Variants in TRHDE observed in about 807,000 individuals in gnomAD.
TRHDE encodes thyrotropin-releasing hormone-degrading ectoenzyme.
TRHDE carries 72 observed loss-of-function variants against 125.7 expected under a neutral mutation model. The observed-to-expected ratio is 0.57, with a 90% CI of 0.47 to 0.70. The LOEUF is 0.70. Among genes scored for constraint, TRHDE ranks in the 30% least tolerant of loss-of-function variants. TRHDE has a pLI of 0.00. For synonymous variants in TRHDE, 509 were observed against 509.1 expected, an observed-to-expected ratio of 1.00 and a Z score of 0.00; for missense variants, 1,110 against 1,327.1, an observed-to-expected ratio of 0.84 and a Z score of 2.54.
At chr12:72,237,671 C>G (rs978511998) in intron 2 of TRHDE, among the ~76,000 whole-genome samples, 1 of 152,148 alleles carries the variant, frequency 6.6e-6, no homozygotes, top group South Asian at 2.1e-4. Context: ...AAAGAAGGTG[C>G]CTGCTTCCTC....
At chr12:72,110,495 G>A (rs938794098) in intron 2 of TRHDE, among the ~76,000 whole-genome samples, 3 of 151,882 alleles carry the variant, frequency 2.0e-5, no homozygotes, top group African/African-American at 7.3e-5. Flanking sequence ...CTGAGGATAT[G>A]GTTTATTAGA....
intron 15 of TRHDE, among the ~76,000 whole-genome samples, chr12:72,642,732 C>G (rs1874116333): frequency 6.6e-6 from 1 of 152,108 alleles, no homozygotes. Context: ...TATTCACATT[C>G]TTATAAACAA....
chr12:72,537,728 G>T (rs948872900), intron 6 of TRHDE, among the ~76,000 whole-genome samples: 1 of 151,898 alleles, frequency 6.6e-6, no homozygotes, highest in Admixed American at 6.6e-5. Flanking sequence ...GTTATCTTCA[G>T]ACCACATCTC....
At chr12:72,606,245 A>G (rs1872439002) in intron 12 of TRHDE, among the ~76,000 whole-genome samples, 1 of 152,186 alleles carries the variant, frequency 6.6e-6, no homozygotes. Flanking sequence ...TTTCGGATTT[A>G]TGATGGAAAT....
chr12:72,642,904 A>G (rs1447173951), intron 15 of TRHDE, among the ~76,000 whole-genome samples: 1 of 152,164 alleles, frequency 6.6e-6, no homozygotes, highest in East Asian at 1.9e-4. Context: ...ACTTTGGTTT[A>G]TACAAAGAGA....
chr12:72,331,763 T>A (rs1869609585), intron 2 of TRHDE, among the ~76,000 whole-genome samples: 1 of 152,008 alleles, frequency 6.6e-6, no homozygotes, highest in East Asian at 1.9e-4. Context: ...TGGCAAGAGG[T>A]GGGAAGATAG....
intron 2 of TRHDE, among the ~76,000 whole-genome samples, chr12:72,372,914 C>T (rs1370745176): frequency 6.6e-6 from 1 of 152,110 alleles, no homozygotes; most frequent in East Asian, 1.9e-4. Context: ...TAGGTTTTTC[C>T]AATTCTGTGA....
intron 2 of TRHDE, among the ~76,000 whole-genome samples, chr12:72,297,103 A>G (rs1463108503): frequency 6.6e-6 from 1 of 152,154 alleles, no homozygotes; most frequent in East Asian, 1.9e-4. Flanking sequence ...AGAGAAAGCA[A>G]ATGTAGGGAG....
chr12:72,366,830 GATA>G (rs1871358623), intron 2 of TRHDE, among the ~76,000 whole-genome samples: 1 of 151,910 alleles, frequency 6.6e-6, no homozygotes, highest in South Asian at 2.1e-4. Flanking sequence ...CTTTATCAAT[GATA>G]ATACTTGGAT....
chr12:72,317,718 A>G (rs929679602), intron 2 of TRHDE, among the ~76,000 whole-genome samples: 3 of 152,230 alleles, frequency 2.0e-5, no homozygotes, highest in Non-Finnish European at 2.9e-5. Flanking sequence ...CCATAGGTAC[A>G]TGAAAGAGGG....
chr12:72,430,369 AC>A (rs927377499), intron 3 of TRHDE, among the ~76,000 whole-genome samples: 2 of 142,976 alleles, frequency 1.4e-5, no homozygotes, highest in African/African-American at 2.6e-5. Context: ...ATACATATAT[AC>A]GTATATATAC....
intron 2 of TRHDE, among the ~76,000 whole-genome samples, chr12:72,367,007 A>ATGTGTTTT: frequency 6.6e-6 from 1 of 152,106 alleles, no homozygotes; most frequent in Middle Eastern, 3.4e-3. Context: ...TCTTTCTGCA[A>ATGTGTTTT]TGTGTTTTTG....
At chr12:72,394,055 T>C (rs1372151541) in intron 3 of TRHDE, among the ~76,000 whole-genome samples, 2 of 152,158 alleles carry the variant, frequency 1.3e-5, no homozygotes, top group African/African-American at 4.8e-5. Context: ...GCATTGAGGT[T>C]GACAAGTTTA....
At chr12:72,351,898 T>C (rs1396278474) in intron 2 of TRHDE, among the ~76,000 whole-genome samples, 1 of 151,868 alleles carries the variant, frequency 6.6e-6, no homozygotes, top group East Asian at 1.9e-4. Flanking sequence ...TTTTGTACCA[T>C]AGAGTTTTGC....
intron 1 of TRHDE, among the ~76,000 whole-genome samples, chr12:72,093,052 T>A (rs148626218): frequency 6.6e-6 from 1 of 152,306 alleles, no homozygotes; most frequent in East Asian, 1.9e-4. Flanking sequence ...TTGGAGTAAT[T>A]TCTTATTCTG....
intron 7 of TRHDE, among the ~76,000 whole-genome samples, chr12:72,549,849 A>G (rs1393783077): frequency 6.6e-6 from 1 of 151,822 alleles, no homozygotes; most frequent in Non-Finnish European, 1.5e-5. Flanking sequence ...TTTATTCATC[A>G]ATTTTTAAAA....
intron 2 of TRHDE, among the ~76,000 whole-genome samples, chr12:72,375,345 G>A (rs964274028): frequency 2.0e-5 from 3 of 152,134 alleles, no homozygotes; most frequent in African/African-American, 7.2e-5. Flanking sequence ...AAGTTTGAAT[G>A]AGCAAATGAA....
At chr12:72,282,214 TG>T (rs1185031736) in intron 1 of TRHDE, among the ~76,000 whole-genome samples, 4 of 152,208 alleles carry the variant, frequency 2.6e-5, no homozygotes, top group African/African-American at 9.6e-5. Flanking sequence ...TTTGCTGTTT[TG>T]TTTTACTTTT....
At chr12:72,262,953 A>G (rs575986433) in intron 2 of TRHDE, 1 of 152,282 alleles carries the variant, frequency 6.6e-6, no homozygotes, top group Non-Finnish European at 1.5e-5. Context: ...GTCTCATTTT[A>G]AGAAAAATTG....
Sources: allele counts gnomAD v4.1 joint callset (sites outside exome capture counted in the v4.1 genomes callset), GRCh38; gene constraint gnomAD v4.1.1; transcripts MANE v1.5; gene names NCBI Gene and HGNC (gene_info 2026-07-23, HGNC 2026-07-21).